Variants in PDLIM3 observed in about 807,000 individuals in gnomAD.
PDLIM3 encodes the protein PDZ and LIM domain 3, also known as PDZ and LIM domain protein 3.
In PDLIM3, 36 loss-of-function variants were observed where a neutral mutation model predicts 37.3. The ratio of observed to expected loss-of-function variants is 0.97; its 90% CI spans 0.74 to 1.28. The LOEUF is 1.28. PDLIM3 is among the 50% of genes most tolerant of loss of function. The pLI is 0.00. For synonymous variants in PDLIM3, 174 were observed against 182.4 expected (o/e 0.95, Z 0.37); for missense variants, 454 against 485.0 (o/e 0.94, Z 0.60).
rs895974296 is a variant in PDLIM3 at position 185,501,187 on chromosome 4, A to G, written c.*1107T>C. The G allele has an allele frequency of 2.6e-5, 4 of 152,286 alleles. No homozygotes were observed. Among genetic ancestry groups the G allele is most frequent in the African/African-American group, 9.7e-5 (4 of 41,448 alleles). The allele number at this position is 152,286 out of a possible 1,614,324, so 9.4% of individuals were successfully genotyped here. ...GCAGAGTGCATGTCTCAGACAGAGGATCCATGACTCCAGGAAAGCTGAGCT... is the reference window on the plus strand; with the variant it reads ...GCAGAGTGCATGTCTCAGACAGAGGGTCCATGACTCCAGGAAAGCTGAGCT... On this transcript the variant is annotated 3_prime_UTR_variant, in exon 8 of 8. Transcript: ENST00000284767.
chr4:185,521,137 T>C (rs1466312972), intron 3 of PDLIM3, among the ~76,000 whole-genome samples: 1 of 66,250 alleles, frequency 1.5e-5, no homozygotes, highest in African/African-American at 2.7e-5. Flanking sequence ...TGGGCATCTC[T>C]GCAAAAGGCT....
rs751786463 is a variant in PDLIM3, at chr4:185,535,480, G to A, written c.-46C>T. The A allele has an allele frequency of 1.1e-5, 17 of 1,498,820 alleles. No homozygotes were observed. The African/African-American group carries it at 1.6e-4, about 14-fold the overall frequency. The allele number at this position is 1,498,820 out of a possible 1,614,324, so 92.8% of individuals were successfully genotyped here. A position where few individuals can be genotyped will look rare whatever the true frequency, so the allele number is the denominator to read the frequency against. ...CGGGCTCTAAGTGTCCCCGCGCAGG[G>A]CAGCCACTCCGCGCCGGGCGGCGTC... On this transcript the variant is annotated 5_prime_UTR_variant, in exon 1 of 8. Coordinates refer to ENST00000284767, the MANE Select transcript of PDLIM3 (RefSeq NM_014476.6).
chr4:185,508,609 A>G (rs963853357), intron 4 of PDLIM3, 47 bp from the exon 5 acceptor site: 1 of 1,601,456 alleles, frequency 6.2e-7, no homozygotes, highest in African/African-American at 1.3e-5. Flanking sequence ...CGGGAGCCAG[A>G]CAGTCCAGAC....
At chr4:185,530,722 C>T (rs1380304199) in intron 1 of PDLIM3, among the ~76,000 whole-genome samples, 1 of 152,118 alleles carries the variant, frequency 6.6e-6, no homozygotes, top group Non-Finnish European at 1.5e-5. Context: ...TGCTGAGTAG[C>T]GCGATGAAGT....
rs894305827 is a variant in PDLIM3 at position 185,502,325 on chromosome 4, T to C, written c.1064A>G (p.Tyr355Cys). The C allele has an allele frequency of 1.2e-6, 2 of 1,614,132 alleles. No individual in the cohort carries two copies. Among genetic ancestry groups the C allele is most frequent in the Admixed American group, 1.7e-5 (1 of 60,016 alleles). Residue 355 changes from tyrosine to cysteine, a missense_variant, in exon 8 of 8, where the codon TAT becomes TGT. By Grantham distance (194) the Tyr-to-Cys change is radical (BLOSUM62 -2). Transcript: ENST00000284767. ...TTTGGGATACAGAGTGACCGTGTCA[T>C]AGCCCTCTGGGGGCTTTGTGCGGGC... ...ARARTKPPEG[Y>C]DTVTLYPKA is the part of the protein sequence containing the mutation.
rs746987594 is a variant in PDLIM3 at position 185,514,469 on chromosome 4, C to T, written c.331-132G>A. The T allele has an allele frequency of 1.5e-4, 228 of 1,558,504 alleles. No homozygotes were observed. The highest frequency in any genetic ancestry group is 1.9e-4 in the Non-Finnish European group (215 of 1,141,560). ...CTGTCATAACTAAGAAAGGCGATGA[C>T]GGGACCAGGACGATGTCTTCTTTCC... On this transcript the variant is annotated intron_variant, in intron 3 of 7. Coordinates refer to ENST00000284767, the MANE Select transcript of PDLIM3 (RefSeq NM_014476.6). This position sits in a 1 kb window ranked among gnomAD's most constrained non-coding sequence, Gnocchi z 4.0.
intron 1 of PDLIM3, among the ~76,000 whole-genome samples, chr4:185,534,725 G>A (rs1301639441): frequency 6.6e-6 from 1 of 152,228 alleles, no homozygotes; most frequent in Non-Finnish European, 1.5e-5. Context: ...CCTAAGCCAA[G>A]TTCTCAGCTT....
At chr4:185,513,938 T>A in intron 4 of PDLIM3, 25 of 1,217,640 alleles carry the variant, frequency 2.1e-5, no homozygotes, top group Non-Finnish European at 2.5e-5. Context: ...TGGCAGGGCT[T>A]TCCTGACCTG....
chr4:185,529,681 C>T (rs764242777), intron 1 of PDLIM3, among the ~76,000 whole-genome samples: 20 of 152,318 alleles, frequency 1.3e-4, no homozygotes, highest in Non-Finnish European at 2.4e-4. Flanking sequence ...GTCACATGGG[C>T]GGCTTTAACA....
At chr4:185,513,602 G>A (rs112122487) in intron 4 of PDLIM3, 73 of 986,196 alleles carry the variant, frequency 7.4e-5, no homozygotes, top group Middle Eastern at 5.2e-4. Flanking sequence ...CAACAGCTGC[G>A]GTAAATCATA....
rs943565938 is a variant in PDLIM3, at chr4:185,515,891, CTTTTTT to C, written c.331-1560_331-1555del. 3 of 151,344 alleles carry C rather than the reference CTTTTTT, an allele frequency of 2.0e-5. No homozygotes were observed. The East Asian group carries it at 5.8e-4, about 29-fold the overall frequency. The allele number at this position is 151,344 out of a possible 1,614,324, so 9.4% of individuals were successfully genotyped here. On this transcript the variant is annotated intron_variant, in intron 3 of 7. Transcript: ENST00000284767. Reference sequence around the variant, plus strand: ...AGGTCAGCTGATTCTCTTTCCAAATCTTTTTTTTTAATATTTATTTATTTATGAGAC... The same window carrying C: ...AGGTCAGCTGATTCTCTTTCCAAATCTTTAATATTTATTTATTTATGAGAC...
chr4:185,500,963 G>A lies in PDLIM3; in HGVS notation c.*1331C>T, dbSNP rs2153330162. 1 of 152,502 alleles carries A rather than the reference G, an allele frequency of 6.6e-6. No individual in the cohort carries two copies. The highest frequency in any genetic ancestry group is 6.5e-5 in the Admixed American group (1 of 15,308). The allele number at this position is 152,502 out of a possible 1,614,324, so 9.4% of individuals were successfully genotyped here. Reference sequence around the variant, plus strand: ...GTGACACAAGGTGGTGAGACAGAGGGTCTGAGGGTCCCCACCCTGCTGGTT... The same window carrying A: ...GTGACACAAGGTGGTGAGACAGAGGATCTGAGGGTCCCCACCCTGCTGGTT... On this transcript the variant is annotated 3_prime_UTR_variant, in exon 8 of 8. Transcript: ENST00000284767.
Position 185,504,648 on chromosome 4 carries a change from T to C in PDLIM3, c.794-62A>G. The C allele has an allele frequency of 7.4e-7, 1 of 1,356,290 alleles. No individual in the cohort carries two copies. Among genetic ancestry groups the C allele is most frequent in the Non-Finnish European group, 1.0e-6 (1 of 961,724 alleles). The allele number at this position is 1,356,290 out of a possible 1,614,324, so 84.0% of individuals were successfully genotyped here. ...CAGCTGGCCGCAGCCTGTGCTTGGC[T>C]TCTATTTTAAAGTGTGCACTTTAAC... is the stretch of plus-strand genomic sequence containing the variant. On this transcript the variant is annotated intron_variant, in intron 6 of 7. Transcript: ENST00000284767. The surrounding 1 kb of genome is among the most constrained non-coding windows in gnomAD (Gnocchi z 4.7).
In PDLIM3 at chr4:185,535,424, G is replaced by A. The variant is rs781358846; in HGVS notation, c.11C>T (p.Thr4Met). ...GGGCGCAGGGCCCGGGAGGATCACC[G>A]TCTGGGGCATGCCGCCTTCCTCCCG... is the stretch of plus-strand genomic sequence containing the variant. The part of the protein sequence containing the change: MPQ[T>M]VILPGPAPWG... Residue 4 changes from threonine to methionine, a missense_variant, in exon 1 of 8, where the codon ACG becomes ATG. Transcript: ENST00000284767. 49 of 1,597,862 alleles carry A rather than the reference G, an allele frequency of 3.1e-5. No individual in the cohort carries two copies. In the Middle Eastern group the frequency reaches 5.0e-4, roughly 16 times the overall value.
In PDLIM3 at chr4:185,514,928, C is replaced by T. The variant is rs759984580; in HGVS notation, c.331-591G>A. On this transcript the variant is annotated intron_variant, in intron 3 of 7. Coordinates refer to ENST00000284767, the MANE Select transcript of PDLIM3 (RefSeq NM_014476.6). The surrounding 1 kb of genome is among the most constrained non-coding windows in gnomAD (Gnocchi z 4.0). ...AGACAAAATACACAGCCACACAGCG[C>T]ACAAGAAAGCCATTAGTGAGCGAAA... 1 of 1,504,828 alleles carries T rather than the reference C, an allele frequency of 6.6e-7. No individual in the cohort carries two copies. The allele number at this position is 1,504,828 out of a possible 1,614,324, so 93.2% of individuals were successfully genotyped here. A position where few individuals can be genotyped will look rare whatever the true frequency, so the allele number is the denominator to read the frequency against.
At position 185,514,129 on chromosome 4, in the gene PDLIM3, G is replaced by A. The variant is rs770273379; in HGVS notation, c.398+141C>T. On this transcript the variant is annotated intron_variant, in intron 4 of 7. Transcript: ENST00000284767. This position sits in a 1 kb window ranked among gnomAD's most constrained non-coding sequence, Gnocchi z 4.0. Reference sequence around the variant, plus strand: ...TTGGCTTCTGTTCTCTGCCAAGTGAGTTTGTTTCTTTTTGCTTTTGAAATA... The same window carrying A: ...TTGGCTTCTGTTCTCTGCCAAGTGAATTTGTTTCTTTTTGCTTTTGAAATA... 524 of 1,550,666 alleles carry A rather than the reference G, an allele frequency of 3.4e-4. No individual in the cohort carries two copies. Among genetic ancestry groups the A allele is most frequent in the Non-Finnish European group, 4.4e-4 (504 of 1,148,066 alleles).
chr4:185,514,578 A>G lies in PDLIM3; in HGVS notation c.331-241T>C. 1 of 1,260,594 alleles carries G rather than the reference A, an allele frequency of 7.9e-7. No homozygotes were observed. Among genetic ancestry groups the G allele is most frequent in the Non-Finnish European group, 1.1e-6 (1 of 918,084 alleles). 78.1% of individuals were successfully genotyped at this position (1,260,594 alleles called of 1,614,324 possible). ...CATGTTTTAGATGCTTGTCTTTAAAAGAGAAATCTGATAGTGCCTTCAGGA... is the reference window on the plus strand; with the variant it reads ...CATGTTTTAGATGCTTGTCTTTAAAGGAGAAATCTGATAGTGCCTTCAGGA... On this transcript the variant is annotated intron_variant, in intron 3 of 7. Coordinates refer to ENST00000284767, the MANE Select transcript of PDLIM3 (RefSeq NM_014476.6). This position sits in a 1 kb window ranked among gnomAD's most constrained non-coding sequence, Gnocchi z 4.0.
intron 3 of PDLIM3, chr4:185,517,670 T>C (rs529027537): frequency 2.4e-4 from 36 of 151,970 alleles, no homozygotes; most frequent in South Asian, 4.2e-4. Flanking sequence ...ATCACAAATG[T>C]GTAATTTGTT....
intron 7 of PDLIM3, 64 bp from the exon 8 acceptor site, chr4:185,502,547 A>G: frequency 1.4e-6 from 2 of 1,436,544 alleles, no homozygotes; most frequent in Non-Finnish European, 2.0e-6. Flanking sequence ...GACAAAGGAG[A>G]GAACCCAACA....
Sources: allele counts gnomAD v4.1 joint callset (sites outside exome capture counted in the v4.1 genomes callset), GRCh38; gene constraint gnomAD v4.1.1; non-coding constraint Gnocchi (gnomAD v3.1); transcripts MANE v1.5; gene names NCBI Gene and HGNC (gene_info 2026-07-23, HGNC 2026-07-21).